Variants in SHROOM3 observed in about 807,000 individuals in gnomAD.
The protein encoded by SHROOM3 is protein Shroom3.
SHROOM3 carries 47 observed loss-of-function variants against 138.6 expected under a neutral mutation model. The ratio of observed to expected loss-of-function variants is 0.34; its 90% CI spans 0.27 to 0.43. SHROOM3 has a LOEUF of 0.43. SHROOM3 is among the 20% of genes least tolerant of loss of function. The pLI, the probability that SHROOM3 is intolerant of heterozygous loss-of-function variation, is 1.00. For missense variants in SHROOM3, 2,491 were observed against 2,596.5 expected (o/e 0.96, Z 0.88); for synonymous variants, 1,062 against 1,063.3 (o/e 1.00, Z 0.02).
chr4:76,562,724 C>G (rs1733625734), intron 2 of SHROOM3, among the ~76,000 whole-genome samples: 1 of 152,200 alleles, frequency 6.6e-6, no homozygotes, highest in African/African-American at 2.4e-5. Flanking sequence ...GAAAAAGCAT[C>G]TACATTCTTA....
At chr4:76,456,925 G>A (rs1165460926) in intron 1 of SHROOM3, among the ~76,000 whole-genome samples, 2 of 152,142 alleles carry the variant, frequency 1.3e-5, no homozygotes, top group East Asian at 3.9e-4. Flanking sequence ...TCAAGGGTGG[G>A]GAGAATTACA....
intron 8 of SHROOM3, among the ~76,000 whole-genome samples, chr4:76,758,790 A>G (rs1371939010): frequency 6.6e-6 from 1 of 152,204 alleles, no homozygotes; most frequent in East Asian, 1.9e-4. Context: ...AAGATTAAAT[A>G]AAGTTCCTCT....
chr4:76,445,106 A>T (rs1025162537), intron 1 of SHROOM3, among the ~76,000 whole-genome samples: 17 of 152,062 alleles, frequency 1.1e-4, no homozygotes, highest in African/African-American at 4.1e-4. Flanking sequence ...AAAAAAAAAA[A>T]AAAAAGGAAC....
chr4:76,449,809 TC>T (rs1384071594), intron 1 of SHROOM3, among the ~76,000 whole-genome samples: 1 of 152,234 alleles, frequency 6.6e-6, no homozygotes, highest in Non-Finnish European at 1.5e-5. Flanking sequence ...TTTTCTAAAT[TC>T]ATATTTGAAT....
intron 2 of SHROOM3, among the ~76,000 whole-genome samples, chr4:76,670,819 G>A (rs760783932): frequency 1.3e-5 from 2 of 152,064 alleles, no homozygotes; most frequent in Non-Finnish European, 2.9e-5. Context: ...CGGGCATGGT[G>A]GTGCATGCCT....
Position 76,435,910 on chromosome 4 carries a change from C to T in SHROOM3, c.-143C>T, listed in dbSNP as rs1430801591. 3 of 724,478 alleles carry T rather than the reference C, an allele frequency of 4.1e-6. No individual in the cohort carries two copies. The highest frequency in any genetic ancestry group is 6.8e-6 in the Non-Finnish European group (3 of 444,196). The allele number at this position is 724,478 out of a possible 1,614,324, so 44.9% of individuals were successfully genotyped here. A position where few individuals can be genotyped will look rare whatever the true frequency, so the allele number is the denominator to read the frequency against. On this transcript the variant is annotated 5_prime_UTR_variant, in exon 1 of 11. It adds an upstream start codon to the 5' untranslated region. Coordinates refer to ENST00000296043, the MANE Select transcript of SHROOM3 (RefSeq NM_020859.4). ...GAGTTCAGCTTGGAAGAACATTTTA[C>T]GTATGGAAGAATTTGCTTCTCCAAA... is the stretch of plus-strand genomic sequence containing the variant.
At chr4:76,647,479 C>T (rs1234231619) in intron 2 of SHROOM3, among the ~76,000 whole-genome samples, 1 of 152,148 alleles carries the variant, frequency 6.6e-6, no homozygotes, top group African/African-American at 2.4e-5. Flanking sequence ...AATACTCCAA[C>T]TTAATCATTA....
intron 2 of SHROOM3, chr4:76,688,473 C>T (rs1242530587): frequency 1.0e-6 from 1 of 984,988 alleles, no homozygotes; most frequent in Non-Finnish European, 1.2e-6. Flanking sequence ...AATATAGAAC[C>T]TGGACATTTA....
At chr4:76,483,250 AT>A (rs1383790795) in intron 1 of SHROOM3, among the ~76,000 whole-genome samples, 2 of 152,232 alleles carry the variant, frequency 1.3e-5, no homozygotes, top group African/African-American at 4.8e-5. Context: ...CAATCTATTT[AT>A]CTGACAAAGG....
At chr4:76,617,414 G>T (rs1410146765) in intron 2 of SHROOM3, among the ~76,000 whole-genome samples, 1 of 152,170 alleles carries the variant, frequency 6.6e-6, no homozygotes, top group Non-Finnish European at 1.5e-5. Flanking sequence ...TAATAACCAT[G>T]TTGGTGTTTG....
At chr4:76,688,809 C>G in intron 2 of SHROOM3, 1 of 985,400 alleles carries the variant, frequency 1.0e-6, no homozygotes, top group Non-Finnish European at 1.2e-6. Flanking sequence ...AATCACGTCT[C>G]TTGTCTAATC....
intron 10 of SHROOM3, among the ~76,000 whole-genome samples, chr4:76,772,095 TTC>T (rs1722379921): frequency 7.0e-6 from 1 of 141,984 alleles, no homozygotes; most frequent in Non-Finnish European, 1.5e-5. Context: ...ACCATCTTTT[TTC>T]TTTTTCTTTT....
In SHROOM3 at chr4:76,754,725, G is replaced by A. The variant is rs781216446; in HGVS notation, c.4242G>A (p.Glu1414=). 3.7e-6 allele frequency: 6 copies of A among 1,614,214 alleles called. No individual in the cohort carries two copies. In the South Asian group the frequency reaches 6.6e-5, roughly 18 times the overall value. The part of the protein sequence containing the change: ...EGDGPEHGVE[E]GTRKRVSLPQ... ...ATGGCCCAGAGCATGGGGTAGAAGAGGGAACGAGGAAGAGGGTCTCGCTGC... is the reference window on the plus strand; with the variant it reads ...ATGGCCCAGAGCATGGGGTAGAAGAAGGAACGAGGAAGAGGGTCTCGCTGC... Residue 1414 remains glutamate, a synonymous_variant, in exon 7 of 11, where the codon GAG becomes GAA. Coordinates refer to ENST00000296043, the MANE Select transcript of SHROOM3 (RefSeq NM_020859.4).
At chr4:76,460,825 T>TAAAAAAAAAAAAAAAA (rs1731125063) in intron 1 of SHROOM3, among the ~76,000 whole-genome samples, 1 of 21,404 alleles carries the variant, frequency 4.7e-5, no homozygotes, top group East Asian at 2.6e-3. Context: ...AGCCCGTATC[T>TAAAAAAAAAAAAAAAA]ACAAAAAAAA....
At chr4:76,477,063 G>A (rs962041563) in intron 1 of SHROOM3, among the ~76,000 whole-genome samples, 9 of 152,140 alleles carry the variant, frequency 5.9e-5, no homozygotes, top group African/African-American at 2.2e-4. Flanking sequence ...TGCCTCCTGG[G>A]TTCACGCCAT....
intron 2 of SHROOM3, among the ~76,000 whole-genome samples, chr4:76,686,253 A>T (rs544092556): frequency 6.6e-6 from 1 of 152,010 alleles, no homozygotes; most frequent in East Asian, 1.9e-4. Flanking sequence ...CAATCCTCCC[A>T]CCTCAGCCTC....
Position 76,739,893 on chromosome 4 carries a change from C to A in SHROOM3, c.1720C>A (p.His574Asn). Residue 574 changes from histidine to asparagine, a missense_variant, in exon 5 of 11, where the codon CAT becomes AAT. Coordinates refer to ENST00000296043, the MANE Select transcript of SHROOM3 (RefSeq NM_020859.4). ...TGAGGAGGATGCCTCCCTGAAGAGA[C>A]ATCTCACACCTCCCCAAGGCAACAG... ...ENEEDASLKRHLTPPQGNSPH... is the reference protein window; with the variant it reads ...ENEEDASLKRNLTPPQGNSPH... The A allele has an allele frequency of 1.2e-6, 2 of 1,614,206 alleles. No homozygotes were observed. Among genetic ancestry groups the A allele is most frequent in the Non-Finnish European group, 1.7e-6 (2 of 1,180,048 alleles).
intron 5 of SHROOM3, among the ~76,000 whole-genome samples, chr4:76,745,907 C>T (rs1218458471): frequency 2.6e-5 from 4 of 152,160 alleles, no homozygotes; most frequent in African/African-American, 7.2e-5. Context: ...CTTGAACTCA[C>T]GAGGCAGAGG....
intron 2 of SHROOM3, among the ~76,000 whole-genome samples, chr4:76,621,763 A>G (rs1735011324): frequency 6.6e-6 from 1 of 152,102 alleles, no homozygotes. Flanking sequence ...AGCATGAGAT[A>G]CAGGTCCCAG....
Sources: allele counts gnomAD v4.1 joint callset (sites outside exome capture counted in the v4.1 genomes callset), GRCh38; gene constraint gnomAD v4.1.1; transcripts MANE v1.5; gene names NCBI Gene and HGNC (gene_info 2026-07-23, HGNC 2026-07-21).